Variants in RAD54L observed in about 807,000 individuals in gnomAD.
RAD54L encodes DNA repair and recombination protein RAD54-like.
Under a neutral mutation model 91.6 loss-of-function variants are expected in RAD54L, and 74 were observed. The observed-to-expected ratio is 0.81, with a 90% CI of 0.67 to 0.98. RAD54L has a LOEUF of 0.98. RAD54L is among the 50% of genes least tolerant of loss of function. The probability of loss-of-function intolerance (pLI) is 0.00; values close to 1 mark genes in which losing one functional copy is unlikely to be tolerated. For synonymous variants in RAD54L, 304 were observed against 349.7 expected, an observed-to-expected ratio of 0.87 and a Z score of 1.46; for missense variants, 887 against 945.7, an observed-to-expected ratio of 0.94 and a Z score of 0.81.
chr1:46,264,878 G>A (rs1017331903), intron 8 of RAD54L, among the ~76,000 whole-genome samples: 1 of 152,172 alleles, frequency 6.6e-6, no homozygotes, highest in Non-Finnish European at 1.5e-5. Flanking sequence ...AGACCCATGT[G>A]GATCCTTAGT....
In RAD54L at chr1:46,248,555, A is replaced by G; in HGVS notation, c.47A>G (p.Glu16Gly). 1.2e-6 allele frequency: 2 copies of G among 1,614,116 alleles called. No homozygotes were observed. The highest frequency in any genetic ancestry group is 1.7e-6 in the Non-Finnish European group (2 of 1,180,034). The change falls in exon 2 of 18, where the codon GAA (glutamate) becomes GGA (glycine). Residue 16 changes from glutamate to glycine, a missense_variant. Physicochemically the swap from Glu to Gly is moderately conservative, Grantham distance 98. Coordinates refer to ENST00000371975, the MANE Select transcript of RAD54L (RefSeq NM_003579.4). ...AGCCAGCTGGCCAAGAGAAAACCTG[A>G]AGGCAGGTCCTGTGATGATGAAGAC... is the stretch of plus-strand genomic sequence containing the variant. ...APSQLAKRKP[E>G]GRSCDDEDWQ...
Position 46,274,582 on chromosome 1 carries a change from T to G in RAD54L, c.1734T>G (p.Cys578Trp). 1 of 1,613,588 alleles carries G rather than the reference T, an allele frequency of 6.2e-7. No homozygotes were observed. Among genetic ancestry groups the G allele is most frequent in the Non-Finnish European group, 8.5e-7 (1 of 1,180,026 alleles). ...VFMLSSKAGG[C>W]GLNLIGANRL... is the part of the protein sequence containing the mutation. ...TGCTGAGCAGCAAAGCTGGGGGCTG[T>G]GGCCTCAATCTCATTGGGGCTAACC... is the stretch of plus-strand genomic sequence containing the variant. Residue 578 changes from cysteine to tryptophan, a missense_variant, in exon 16 of 18, where the codon TGT becomes TGG. Cys to Trp is a radical substitution (Grantham distance 215, BLOSUM62 -2). Transcript: ENST00000371975.
intron 2 of RAD54L, among the ~76,000 whole-genome samples, chr1:46,249,067 G>A (rs1397271448): frequency 6.6e-6 from 1 of 152,144 alleles, no homozygotes; most frequent in Non-Finnish European, 1.5e-5. Context: ...GTTGGGCCCT[G>A]GGCTCTGCTT....
At chr1:46,274,117 G>C in intron 14 of RAD54L, 21 bp from the exon 15 acceptor site, 1 of 1,593,044 alleles carries the variant, frequency 6.3e-7, no homozygotes, top group East Asian at 2.2e-5. Flanking sequence ...TTATTTTCTT[G>C]GGTCTCGAAT....
At chr1:46,261,769 G>C (rs1005169063) in intron 8 of RAD54L, among the ~76,000 whole-genome samples, 3 of 152,164 alleles carry the variant, frequency 2.0e-5, no homozygotes, top group African/African-American at 7.2e-5. Flanking sequence ...TGGGGAAAAA[G>C]AGACACAAGC....
chr1:46,256,707 G>GT (rs1406390234), intron 3 of RAD54L, among the ~76,000 whole-genome samples: 2 of 151,986 alleles, frequency 1.3e-5, no homozygotes, highest in Admixed American at 1.3e-4. Context: ...AAGCATTTGA[G>GT]TTTTTTGCCA....
chr1:46,253,671 C>T (rs1352276581), intron 3 of RAD54L, among the ~76,000 whole-genome samples: 1 of 148,990 alleles, frequency 6.7e-6, no homozygotes, highest in Non-Finnish European at 1.5e-5. Context: ...ACTGCAATAC[C>T]GGATTTCTGT....
chr1:46,278,112 C>T lies in RAD54L; in HGVS notation c.2074C>T (p.Pro692Ser), dbSNP rs2148308755. 1 of 1,613,974 alleles carries T rather than the reference C, an allele frequency of 6.2e-7. No individual in the cohort carries two copies. Among genetic ancestry groups the T allele is most frequent in the South Asian group, 1.1e-5 (1 of 91,014 alleles). Residue 692 changes from proline (P) to serine (S), a missense_variant, in exon 18 of 18, where the codon CCA becomes TCA. Transcript: ENST00000371975. ...TTGTGTCAACAGCCGTCAGATCCGG[C>T]CACCCCCTGATGGTTCTGACTGCAC... ...RRCVNSRQIR[P>S]PPDGSDCTSD...
rs898189854 is a variant in RAD54L at position 46,260,727 on chromosome 1, G to A, written c.478G>A (p.Gly160Arg). 6.8e-6 allele frequency: 11 copies of A among 1,614,064 alleles called. No individual in the cohort carries two copies. Among genetic ancestry groups the A allele is most frequent in the Admixed American group, 6.7e-5 (4 of 60,000 alleles). ...TGGACTGAAGGCTGTTATTCTCTAG[G>A]GAGTGAAATTCCTGTGGGAGTGTGT... The part of the protein sequence containing the change: ...SKVLRPHQRE[G>R]VKFLWECVTS... Residue 160 changes from glycine to arginine, a missense_variant and splice_region_variant, in exon 7 of 18, where the codon GGA becomes AGA. Coordinates refer to ENST00000371975, the MANE Select transcript of RAD54L (RefSeq NM_003579.4).
At chr1:46,258,813 C>A in intron 4 of RAD54L, 67 bp downstream of exon 4, 2 of 1,284,328 alleles carry the variant, frequency 1.6e-6, no homozygotes, top group South Asian at 1.2e-5. Flanking sequence ...AATTAAAAAC[C>A]TGCTTTTGTA....
chr1:46,261,362 G>A lies in RAD54L; in HGVS notation c.868G>A (p.Val290Ile), dbSNP rs1308076866. 1 of 1,614,088 alleles carries A rather than the reference G, an allele frequency of 6.2e-7. No individual in the cohort carries two copies. The highest frequency in any genetic ancestry group is 8.5e-7 in the Non-Finnish European group (1 of 1,180,018). ...TGTTGGAGTCCTCCAGAAAGGAAGT[G>A]TTGGTCTGGTCATATGTGACGAGGT... ...LHVGVLQKGS[V>I]GLVICDEGHR... The change falls in exon 8 of 18, where the codon GTT becomes ATT. Residue 290 changes from valine (V) to isoleucine (I), a missense_variant. Transcript: ENST00000371975.
rs140909970 is a variant in RAD54L, at chr1:46,260,906, T to C, written c.657T>C (p.Pro219=). 6 of 1,614,082 alleles carry C rather than the reference T, an allele frequency of 3.7e-6. No homozygotes were observed. The highest frequency in any genetic ancestry group is 2.7e-5 in the African/African-American group (2 of 74,930). The change falls in exon 7 of 18, where the codon CCT becomes CCC. Residue 219 remains proline (P), a synonymous_variant. Transcript: ENST00000371975. ...TTGACAAGGCAGTGGTGGTGTCGCC[T>C]TCCAGCCTGGTGAAGAACTGGTACA... The part of the protein sequence containing the change: ...PEIDKAVVVS[P]SSLVKNWYNE...
At chr1:46,267,726 T>A (rs1660306606) in intron 9 of RAD54L, 117 bp downstream of exon 9, 1 of 1,346,416 alleles carries the variant, frequency 7.4e-7, no homozygotes, top group Non-Finnish European at 1.0e-6. Context: ...TCACTAGGCA[T>A]TCTTGTAGGA....
chr1:46,250,146 G>T, intron 3 of RAD54L, 27 bp downstream of exon 3: 12 of 1,613,770 alleles, frequency 7.4e-6, no homozygotes, highest in Non-Finnish European at 1.0e-5. Context: ...ACCTGCATGT[G>T]TATGTCTGTG....
rs367854410 is a variant in RAD54L at position 46,274,235 on chromosome 1, C to T, written c.1689+19C>T. On this transcript the variant is annotated intron_variant, in intron 15 of 17. Coordinates refer to ENST00000371975, the MANE Select transcript of RAD54L (RefSeq NM_003579.4). ...TCCATCGGTAAATGCACATCCCCGT[C>T]CCCACACCACCAATGCAGTATCATC... is the stretch of plus-strand genomic sequence containing the variant. 1.3e-6 allele frequency: 2 copies of T among 1,585,448 alleles called. No homozygotes were observed. The highest frequency in any genetic ancestry group is 2.7e-5 in the African/African-American group (2 of 74,180).
intron 7 of RAD54L, 66 bp from the exon 8 acceptor site, chr1:46,261,195 G>GTTTTTTTTTTTTTTTT (rs1277499745): frequency 1.3e-6 from 2 of 1,555,086 alleles, no homozygotes; most frequent in African/African-American, 1.4e-5. Context: ...CTGTCTAATT[G>GTTTTTTTTTTTTTTTT]TTTTTTTTGT....
chr1:46,258,851 T>G, intron 4 of RAD54L, 105 bp downstream of exon 4: 2 of 967,668 alleles, frequency 2.1e-6, no homozygotes, highest in Non-Finnish European at 3.3e-6. Flanking sequence ...GAATTGAAGG[T>G]GCCAGTCCAG....
rs139209144 is a variant in RAD54L, at chr1:46,259,994, A to G, written c.302A>G (p.Lys101Arg). The part of the protein sequence containing the change: ...GPLGSRALGL[K>R]RAGVRRALHD... ...CTGGGCTCTCGAGCATTGGGCCTGAAAAGGGCTGGGGTCCGCCGGGCCCTC... is the reference window on the plus strand; with the variant it reads ...CTGGGCTCTCGAGCATTGGGCCTGAGAAGGGCTGGGGTCCGCCGGGCCCTC... Residue 101 changes from lysine to arginine, a missense_variant, in exon 5 of 18, where the codon AAA becomes AGA. Transcript: ENST00000371975. 36 of 1,614,006 alleles carry G rather than the reference A, an allele frequency of 2.2e-5. No individual in the cohort carries two copies. Among genetic ancestry groups the G allele is most frequent in the Non-Finnish European group, 3.0e-5 (35 of 1,180,014 alleles).
intron 8 of RAD54L, among the ~76,000 whole-genome samples, chr1:46,262,914 C>T (rs1320627061): frequency 6.6e-6 from 1 of 152,080 alleles, no homozygotes; most frequent in African/African-American, 2.4e-5. Context: ...GTGTGACCTT[C>T]AACAAGTTAC....
Sources: allele counts gnomAD v4.1 joint callset (sites outside exome capture counted in the v4.1 genomes callset), GRCh38; gene constraint gnomAD v4.1.1; transcripts MANE v1.5; gene names NCBI Gene and HGNC (gene_info 2026-07-23, HGNC 2026-07-21).